FER1L6: variants seen among roughly 807,000 people sequenced by gnomAD.
FER1L6 encodes the protein fer-1 like family member 6.
FER1L6 carries 177 observed loss-of-function variants against 219.2 expected under a neutral mutation model. The observed-to-expected ratio is 0.81, with a 90% CI of 0.71 to 0.91. The LOEUF is 0.91. Ranked by LOEUF, FER1L6 falls within the 40% of genes least tolerant of loss-of-function variation. The probability of loss-of-function intolerance (pLI) is 0.00; values close to 1 mark genes in which losing one functional copy is unlikely to be tolerated. For synonymous variants in FER1L6, 768 were observed against 824.3 expected (o/e 0.93, Z 1.17); for missense variants, 2,153 against 2,259.9 (o/e 0.95, Z 0.96).
chr8:123,945,613 T>C (rs1288126640), intron 1 of FER1L6, among the ~76,000 whole-genome samples: 1 of 152,276 alleles, frequency 6.6e-6, no homozygotes, highest in African/African-American at 2.4e-5. Flanking sequence ...TATGGATGAT[T>C]GGAAGCTCTT....
intron 1 of FER1L6, among the ~76,000 whole-genome samples, chr8:123,901,876 G>A (rs10956156): frequency 0.31 from 47,604 of 151,634 alleles, 8,201 homozygotes; most frequent in Middle Eastern, 0.4. Flanking sequence ...CCGCCACCAC[G>A]CCTGGCCAAT....
chr8:124,002,816 T>G (rs775778714), intron 12 of FER1L6, among the ~76,000 whole-genome samples: 13 of 151,794 alleles, frequency 8.6e-5, no homozygotes, highest in Non-Finnish European at 1.6e-4. Context: ...TATCTATGAT[T>G]CTTTACCAAC....
At chr8:123,870,693 C>T (rs552299757) in intron 1 of FER1L6, among the ~76,000 whole-genome samples, 4 of 152,080 alleles carry the variant, frequency 2.6e-5, no homozygotes, top group South Asian at 2.1e-4. Context: ...AATGTTTTAG[C>T]GTGATGAAAC....
In FER1L6 at chr8:123,908,037, T is replaced by G. The variant is rs1812984236; in HGVS notation, c.-7-47955T>G. 1.3e-5 allele frequency among the ~76,000 whole-genome samples: 2 copies of G among 152,216 alleles called. 1 individual carries two copies. Among genetic ancestry groups the G allele is most frequent in the South Asian group, 4.2e-4 (2 of 4,812 alleles). ...GAGTTGAGAACAAATGTATTTCTTT[T>G]TGCCGTCCCAGAACCAAGCACCATA... On this transcript the variant is annotated intron_variant, in intron 1 of 40. Coordinates refer to ENST00000522917, the MANE Select transcript of FER1L6 (RefSeq NM_001039112.2).
At chr8:123,918,169 C>T (rs921744762) in intron 1 of FER1L6, among the ~76,000 whole-genome samples, 3 of 152,058 alleles carry the variant, frequency 2.0e-5, no homozygotes, top group East Asian at 3.9e-4. Context: ...ATTAGCCAGG[C>T]ATAGTGGTGC....
intron 18 of FER1L6, among the ~76,000 whole-genome samples, chr8:124,028,713 C>G (rs1242177795): frequency 1.3e-5 from 2 of 152,098 alleles, no homozygotes; most frequent in Non-Finnish European, 2.9e-5. Flanking sequence ...GTCACAGTGC[C>G]CATTAACCAG....
chr8:123,949,712 G>A (rs781489617), intron 1 of FER1L6, among the ~76,000 whole-genome samples: 1 of 152,164 alleles, frequency 6.6e-6, no homozygotes, highest in East Asian at 1.9e-4. Context: ...CATCAGAGCA[G>A]AAAGAAGAAT....
intron 5 of FER1L6, 149 bp downstream of exon 5, chr8:123,966,439 AAC>A (rs1815545407): frequency 1.0e-6 from 1 of 983,446 alleles, no homozygotes; most frequent in African/African-American, 1.6e-5. Flanking sequence ...TCTTCTTACA[AAC>A]ACAGCCCCCT....
At chr8:124,064,596 T>C (rs1322701248) in intron 26 of FER1L6, 23 bp downstream of exon 26, 13 of 1,602,876 alleles carry the variant, frequency 8.1e-6, no homozygotes, top group Non-Finnish European at 1.1e-5. Flanking sequence ...TCCCTCTCTA[T>C]ATTTACAAGG....
At chr8:124,005,070 A>G (rs1218196358) in intron 13 of FER1L6, among the ~76,000 whole-genome samples, 1 of 152,120 alleles carries the variant, frequency 6.6e-6, no homozygotes, top group African/African-American at 2.4e-5. Flanking sequence ...GAAGCCAGTC[A>G]ATACAGTTCT....
At chr8:124,004,207 T>C (rs1295140584) in intron 13 of FER1L6, 2 of 151,150 alleles carry the variant, frequency 1.3e-5, no homozygotes, top group Non-Finnish European at 2.9e-5. Context: ...CTCACTGATC[T>C]CCTTTAATCC....
chr8:124,094,997 A>G lies in FER1L6; in HGVS notation c.4654A>G (p.Thr1552Ala). The G allele has an allele frequency of 6.2e-7, 1 of 1,614,006 alleles. No individual in the cohort carries two copies. Among genetic ancestry groups the G allele is most frequent in the Non-Finnish European group, 8.5e-7 (1 of 1,179,982 alleles). ...GCRLVPEHIE[T>A]RPLYHKDKPG... ...TAGGCTGGTTCCTGAACACATAGAA[A>G]CTCGGCCACTGTACCACAAGGATAA... The change falls in exon 35 of 41, where the codon ACT becomes GCT. Residue 1552 changes from threonine to alanine, a missense_variant. Coordinates refer to ENST00000522917, the MANE Select transcript of FER1L6 (RefSeq NM_001039112.2).
At chr8:124,071,376 G>T in intron 30 of FER1L6, 130 bp from the exon 31 acceptor site, 1 of 1,191,164 alleles carries the variant, frequency 8.4e-7, no homozygotes, top group Non-Finnish European at 1.2e-6. Flanking sequence ...CACCCAACTG[G>T]CAAGTTTAGC....
At chr8:124,000,251 G>A (rs536120117) in intron 12 of FER1L6, among the ~76,000 whole-genome samples, 35 of 152,286 alleles carry the variant, frequency 2.3e-4, no homozygotes, top group Middle Eastern at 6.8e-3. Context: ...GCTAGGGGAT[G>A]GAGAAGAATG....
chr8:124,065,307 A>G (rs761413710), intron 26 of FER1L6, among the ~76,000 whole-genome samples: 1 of 148,676 alleles, frequency 6.7e-6, no homozygotes, highest in Non-Finnish European at 1.5e-5. Flanking sequence ...AGGCTGAGGC[A>G]GGAGAATCAC....
chr8:123,919,396 A>T (rs1813291815), intron 1 of FER1L6, among the ~76,000 whole-genome samples: 1 of 152,204 alleles, frequency 6.6e-6, no homozygotes, highest in Non-Finnish European at 1.5e-5. Flanking sequence ...GAGGCATATG[A>T]TAAAGGTCAA....
intron 22 of FER1L6, among the ~76,000 whole-genome samples, chr8:124,053,224 A>T (rs1431292636): frequency 6.6e-6 from 1 of 152,168 alleles, no homozygotes; most frequent in Non-Finnish European, 1.5e-5. Context: ...TGGGTTCTGT[A>T]GCCCCACCTC....
At chr8:123,948,235 G>T (rs914665904) in intron 1 of FER1L6, among the ~76,000 whole-genome samples, 2 of 152,168 alleles carry the variant, frequency 1.3e-5, no homozygotes, top group African/African-American at 4.8e-5. Context: ...CAAGGTTGAG[G>T]ATTTACTCAA....
At position 123,970,086 on chromosome 8, in the gene FER1L6, A is replaced by G; in HGVS notation, c.436A>G (p.Ile146Val). 6.2e-7 allele frequency: 1 copy of G among 1,614,006 alleles called. No homozygotes were observed. Among genetic ancestry groups the G allele is most frequent in the Non-Finnish European group, 8.5e-7 (1 of 1,179,898 alleles). ...GPQVHLFDKI[I>V]KISVFHHKLI... is the part of the protein sequence containing the mutation. ...CCAAGTGCATCTTTTTGACAAGATC[A>G]TCAAAATCTCCGTAAGTATAGCATT... Residue 146 changes from isoleucine (I) to valine (V), a missense_variant, in exon 6 of 41, where the codon ATC becomes GTC. Ile to Val is a conservative substitution (Grantham distance 29). Coordinates refer to ENST00000522917, the MANE Select transcript of FER1L6 (RefSeq NM_001039112.2).
Sources: allele counts gnomAD v4.1 joint callset (sites outside exome capture counted in the v4.1 genomes callset), GRCh38; gene constraint gnomAD v4.1.1; transcripts MANE v1.5; gene names NCBI Gene and HGNC (gene_info 2026-07-23, HGNC 2026-07-21).